KCNQ3: variants seen among roughly 807,000 people sequenced by gnomAD.
KCNQ3 encodes the protein potassium voltage-gated channel subfamily KQT member 3.
KCNQ3 carries 30 observed loss-of-function variants against 92.5 expected under a neutral mutation model. The ratio of observed to expected loss-of-function variants is 0.32; its 90% CI spans 0.24 to 0.44. The LOEUF is 0.44. Among genes scored for constraint, KCNQ3 ranks in the 20% least tolerant of loss-of-function variants. KCNQ3 has a pLI of 1.00. For synonymous variants in KCNQ3, 450 were observed against 468.8 expected (o/e 0.96, Z 0.52); for missense variants, 913 against 1,140.3 (o/e 0.80, Z 2.87).
At chr8:132,324,285 C>T (rs1427313062) in intron 1 of KCNQ3, among the ~76,000 whole-genome samples, 1 of 152,132 alleles carries the variant, frequency 6.6e-6, no homozygotes, top group Non-Finnish European at 1.5e-5. Context: ...TTCTAATGTC[C>T]TTCCTTGGAT....
At chr8:132,391,064 T>C (rs1054787220) in intron 1 of KCNQ3, among the ~76,000 whole-genome samples, 9 of 152,218 alleles carry the variant, frequency 5.9e-5, no homozygotes, top group African/African-American at 2.2e-4. Flanking sequence ...AATAAGTGGA[T>C]ATTACCACTT....
At chr8:132,402,129 T>C (rs1357415798) in intron 1 of KCNQ3, among the ~76,000 whole-genome samples, 1 of 152,230 alleles carries the variant, frequency 6.6e-6, no homozygotes, top group African/African-American at 2.4e-5. Context: ...TCATGCTACC[T>C]AGAGCTGTCT....
chr8:132,263,021 G>C (rs1586876639), intron 1 of KCNQ3, among the ~76,000 whole-genome samples: 1 of 152,282 alleles, frequency 6.6e-6, no homozygotes, highest in Middle Eastern at 3.4e-3. Flanking sequence ...TGGTTACTGG[G>C]AGGTAGATCT....
intron 1 of KCNQ3, among the ~76,000 whole-genome samples, chr8:132,334,099 T>C (rs750154418): frequency 6.6e-5 from 10 of 152,320 alleles, no homozygotes; most frequent in Non-Finnish European, 7.4e-5. Flanking sequence ...GCCTCTGTGA[T>C]ACAGTGGCAG....
chr8:132,249,842 G>A (rs576655192), intron 1 of KCNQ3, among the ~76,000 whole-genome samples: 1 of 152,312 alleles, frequency 6.6e-6, no homozygotes, highest in Non-Finnish European at 1.5e-5. Context: ...CAAGCACAAC[G>A]TTGGTGAGCT....
intron 1 of KCNQ3, among the ~76,000 whole-genome samples, chr8:132,219,275 G>A (rs904255130): frequency 1.3e-5 from 2 of 152,174 alleles, no homozygotes; most frequent in Non-Finnish European, 2.9e-5. Context: ...TGCCAAGGCT[G>A]TAAGTCTCAG....
At chr8:132,296,371 T>A (rs1418506599) in intron 1 of KCNQ3, among the ~76,000 whole-genome samples, 2 of 152,008 alleles carry the variant, frequency 1.3e-5, no homozygotes, top group Admixed American at 6.5e-5. Flanking sequence ...TCTTTCTGAC[T>A]CCAAAGCCTC....
chr8:132,140,761 C>T, intron 10 of KCNQ3: 1 of 296,666 alleles, frequency 3.4e-6, no homozygotes, highest in Non-Finnish European at 6.4e-6. Context: ...CGCTTTTCTG[C>T]CACTCTTCCC....
At chr8:132,349,133 T>C (rs973806636) in intron 1 of KCNQ3, among the ~76,000 whole-genome samples, 16 of 152,228 alleles carry the variant, frequency 1.1e-4, no homozygotes, top group Middle Eastern at 6.8e-3. Context: ...GTCACAGTAA[T>C]GCAGATTGTC....
At chr8:132,361,343 A>G (rs374771506) in intron 1 of KCNQ3, among the ~76,000 whole-genome samples, 15 of 151,934 alleles carry the variant, frequency 9.9e-5, no homozygotes, top group African/African-American at 3.6e-4. Context: ...CCTTAGCAAA[A>G]CTCTCCCCAA....
intron 1 of KCNQ3, among the ~76,000 whole-genome samples, chr8:132,231,916 G>C (rs1361349670): frequency 1.3e-5 from 2 of 152,182 alleles, no homozygotes; most frequent in Non-Finnish European, 2.9e-5. Flanking sequence ...AATGTGCATT[G>C]ATTGAGCCCC....
intron 1 of KCNQ3, among the ~76,000 whole-genome samples, chr8:132,290,473 T>C (rs1241881176): frequency 6.6e-6 from 1 of 152,162 alleles, no homozygotes; most frequent in African/African-American, 2.4e-5. Flanking sequence ...TCACATGGAT[T>C]ACTTTGGTTG....
rs191454255 is a variant in KCNQ3, at chr8:132,386,936, C to T, written c.386+93211G>A. ...ATTTAAAAAACAAAGAATATCTTCA[C>T]TACAAAGAAATGAAAAATGTTTGTG... On this transcript the variant is annotated intron_variant, in intron 1 of 14. Transcript: ENST00000388996. 3.3e-3 allele frequency among the ~76,000 whole-genome samples: 501 copies of T among 152,242 alleles called. 1 individual carries two copies. The highest frequency in any genetic ancestry group is 0.012 in the African/African-American group (489 of 41,556).
intron 1 of KCNQ3, among the ~76,000 whole-genome samples, chr8:132,468,228 G>A (rs558103744): frequency 3.4e-4 from 52 of 152,294 alleles, no homozygotes; most frequent in African/African-American, 1.1e-3. Flanking sequence ...GGAGTGAGAC[G>A]AAGCAGAAGC....
chr8:132,352,993 G>A (rs1271676058), intron 1 of KCNQ3, among the ~76,000 whole-genome samples: 2 of 152,130 alleles, frequency 1.3e-5, no homozygotes, highest in African/African-American at 2.4e-5. Flanking sequence ...TTGGGAGGTC[G>A]AGGCGGGTGG....
intron 1 of KCNQ3, among the ~76,000 whole-genome samples, chr8:132,324,559 G>A (rs1229418896): frequency 6.6e-6 from 1 of 152,218 alleles, no homozygotes; most frequent in Non-Finnish European, 1.5e-5. Flanking sequence ...GAAAAGGGGA[G>A]TGGACACAGT....
intron 1 of KCNQ3, among the ~76,000 whole-genome samples, chr8:132,265,361 T>C (rs1326562700): frequency 6.6e-6 from 1 of 152,246 alleles, no homozygotes; most frequent in Non-Finnish European, 1.5e-5. Flanking sequence ...GTGGGAAGTG[T>C]TAATGATACA....
chr8:132,368,322 T>G (rs753111779), intron 1 of KCNQ3, among the ~76,000 whole-genome samples: 56 of 152,172 alleles, frequency 3.7e-4, no homozygotes, highest in Non-Finnish European at 7.3e-4. Flanking sequence ...TGCTACGTAA[T>G]GCCTCATGTC....
intron 1 of KCNQ3, among the ~76,000 whole-genome samples, chr8:132,436,019 C>A (rs961434391): frequency 4.6e-5 from 7 of 152,192 alleles, no homozygotes; most frequent in Non-Finnish European, 7.3e-5. Context: ...TAAAACATCT[C>A]ATAATGATTA....
Sources: gnomAD v4.1 joint callset for allele counts (sites outside exome capture counted in the v4.1 genomes callset) on GRCh38, gnomAD v4.1.1 for gene constraint, MANE v1.5 for transcripts, NCBI Gene and HGNC (gene_info 2026-07-23, HGNC 2026-07-21) for gene names.